The following RAB3IL1 variants were observed in gnomAD, a reference collection of about 807,000 sequenced individuals.
RAB3IL1 encodes the protein guanine nucleotide exchange factor for Rab-3A.
Under a neutral mutation model 49.2 loss-of-function variants are expected in RAB3IL1, and 37 were observed. That is an observed-to-expected ratio of 0.75 (90% CI 0.58 to 0.99). The LOEUF is 0.99. RAB3IL1 is among the 50% of genes least tolerant of loss of function. The pLI, the probability that RAB3IL1 is intolerant of heterozygous loss-of-function variation, is 0.00. For missense variants in RAB3IL1, 484 were observed against 513.0 expected (o/e 0.94, Z 0.55); for synonymous variants, 193 against 213.9 (o/e 0.90, Z 0.85).
intron 2 of RAB3IL1, 130 bp downstream of exon 2, chr11:61,907,924 C>T: frequency 2.1e-6 from 3 of 1,398,172 alleles, no homozygotes; most frequent in Non-Finnish European, 2.9e-6. Context: ...CAGGCCTGGC[C>T]AGCAGCTGGC....
At chr11:61,922,545 AGAT>A (rs1489991342), upstream of RAB3IL1, among the ~76,000 whole-genome samples, 1 of 151,874 alleles carries the variant, frequency 6.6e-6, no homozygotes, top group Admixed American at 6.6e-5. Flanking sequence ...AAGAAGAAGA[AGAT>A]AACATTTGTG....
At chr11:61,904,971 G>T in intron 5 of RAB3IL1, 89 bp from the exon 6 acceptor site, 1 of 1,008,058 alleles carries the variant, frequency 9.9e-7, no homozygotes, top group East Asian at 2.5e-5. Context: ...GAGCGAGGGA[G>T]GACGTGGGGC....
chr11:61,907,616 C>A lies in RAB3IL1; in HGVS notation c.309G>T (p.Val103=), dbSNP rs200351259. Reference sequence around the variant, plus strand: ...CCAGCTCCTGTTCTAGCTGCTCCCGCACCTTGGACAGCCGCTCACATTCCT... The same window carrying A: ...CCAGCTCCTGTTCTAGCTGCTCCCGAACCTTGGACAGCCGCTCACATTCCT... ...KDEECERLSK[V]REQLEQELEE... Residue 103 remains valine (V), a synonymous_variant, in exon 3 of 10, where the codon GTG becomes GTT. Transcript: ENST00000394836. The A allele has an allele frequency of 2.3e-4, 378 of 1,614,130 alleles. 5 individuals are homozygous for A. In the Admixed American group the frequency reaches 6.2e-3, roughly 27 times the overall value.
chr11:61,912,262 C>T (rs1361526866), intron 1 of RAB3IL1, among the ~76,000 whole-genome samples: 3 of 152,172 alleles, frequency 2.0e-5, no homozygotes, highest in Non-Finnish European at 4.4e-5. Flanking sequence ...CTCCCCGGGG[C>T]GGTGCCTTGG....
the RAB3IL1 span, among the ~76,000 whole-genome samples, chr11:61,934,446 G>GTATA: frequency 2.5e-4 from 6 of 24,394 alleles, no homozygotes; most frequent in Admixed American, 5.8e-4. Flanking sequence ...GTGTGTGTGT[G>GTATA]TATGTATATA....
At chr11:61,905,329 C>A (rs1939129363) in intron 5 of RAB3IL1, among the ~76,000 whole-genome samples, 1 of 152,160 alleles carries the variant, frequency 6.6e-6, no homozygotes. Flanking sequence ...TGCTCCAGGC[C>A]ACATGCAGAA....
intron 8 of RAB3IL1, chr11:61,899,695 C>T (rs867536043): frequency 2.0e-5 from 7 of 352,294 alleles, no homozygotes; most frequent in Non-Finnish European, 3.2e-5. Context: ...ACGGAGATGG[C>T]GGAGCTAATG....
In RAB3IL1 at chr11:61,906,645, G is replaced by C; in HGVS notation, c.478C>G (p.Leu160Val). 6.2e-7 allele frequency: 1 copy of C among 1,611,490 alleles called. No homozygotes were observed. The highest frequency in any genetic ancestry group is 8.5e-7 in the Non-Finnish European group (1 of 1,179,234). ...LQAEVTALKT[L>V]VITSTPASPN... ...GAGGCTGGTGTGGACGTGATGACCA[G>C]CGTCTTCAAGGCTGTCACCTCTGCC... Residue 160 changes from leucine to valine, a missense_variant, in exon 5 of 10, where the codon CTG (leucine) becomes GTG (valine). Transcript: ENST00000394836. The surrounding 1 kb of genome is among the most constrained non-coding windows in gnomAD (Gnocchi z 4.6).
At chr11:61,907,744 C>A in intron 2 of RAB3IL1, 84 bp from the exon 3 acceptor site, 1 of 1,242,566 alleles carries the variant, frequency 8.0e-7, no homozygotes. Context: ...GACCAGGTTC[C>A]ATCCCCTCGT....
At chr11:61,905,027 A>G (rs1236570120) in intron 5 of RAB3IL1, 145 bp from the exon 6 acceptor site, 4 of 637,206 alleles carry the variant, frequency 6.3e-6, no homozygotes, top group Non-Finnish European at 1.1e-5. Flanking sequence ...CGTGCAGGGA[A>G]GCCAAGTCCA....
At chr11:61,904,726 A>T in intron 6 of RAB3IL1, 28 bp downstream of exon 6, 1 of 1,578,008 alleles carries the variant, frequency 6.3e-7, no homozygotes, top group Non-Finnish European at 8.6e-7. Flanking sequence ...TGTGTCCCCC[A>T]GCTGGCCCCG....
chr11:61,926,104 C>CAAAAAAAAAAA, the RAB3IL1 span, among the ~76,000 whole-genome samples: 9 of 64,052 alleles, frequency 1.4e-4, no homozygotes, highest in East Asian at 4.9e-4. Flanking sequence ...TCCTTCCTGC[C>CAAAAAAAAAAA]AAAAAAAAAA....
the RAB3IL1 span, among the ~76,000 whole-genome samples, chr11:61,929,046 T>C: frequency 9.2e-5 from 14 of 152,344 alleles, no homozygotes; most frequent in African/African-American, 3.1e-4. Context: ...GGCTACATTA[T>C]AGTTGTACAT....
upstream of RAB3IL1, among the ~76,000 whole-genome samples, chr11:61,918,441 CCCA>C (rs1333809251): frequency 6.6e-6 from 1 of 152,268 alleles, no homozygotes; most frequent in African/African-American, 2.4e-5. Flanking sequence ...CCCCTCCAGG[CCCA>C]CTGACTCAGG....
rs747610934 is a variant in RAB3IL1, at chr11:61,902,465, TGTA to T, written c.973_975del (p.Tyr325del). 4 of 1,599,600 alleles carry T rather than the reference TGTA, an allele frequency of 2.5e-6. No individual in the cohort carries two copies. The South Asian group carries it at 4.6e-5, about 18-fold the overall frequency. On this transcript the variant is annotated inframe_deletion, in exon 8 of 10. Coordinates refer to ENST00000394836, the MANE Select transcript of RAB3IL1 (RefSeq NM_013401.4). ...ACCCTGGCCCGGGAAGATGGCGAGA[TGTA>T]GTAATGGCTTTTGGAGTCCCCGAGC...
At chr11:61,919,858 G>A (rs1370629041), upstream of RAB3IL1, among the ~76,000 whole-genome samples, 1 of 152,206 alleles carries the variant, frequency 6.6e-6, no homozygotes, top group African/African-American at 2.4e-5. Context: ...TCAGCTCACT[G>A]TGTGACCCAG....
chr11:61,932,768 C>A, the RAB3IL1 span, among the ~76,000 whole-genome samples: 189 of 141,478 alleles, frequency 1.3e-3, 1 homozygote, highest in Non-Finnish European at 2.3e-3. Context: ...AACTATAGTT[C>A]ATTTTTTTTT....
the RAB3IL1 span, among the ~76,000 whole-genome samples, chr11:61,925,328 A>G: frequency 6.6e-6 from 1 of 152,176 alleles, no homozygotes; most frequent in Non-Finnish European, 1.5e-5. Flanking sequence ...TGAAGAATCA[A>G]TAGGATTTAA....
chr11:61,923,004 T>C (rs552751441), upstream of RAB3IL1, among the ~76,000 whole-genome samples: 15 of 152,232 alleles, frequency 9.9e-5, no homozygotes, highest in African/African-American at 3.4e-4. Flanking sequence ...GGAAAGGGCT[T>C]GGCCTGGCTG....
Sources: gnomAD v4.1 joint callset for allele counts (sites outside exome capture counted in the v4.1 genomes callset) on GRCh38, gnomAD v4.1.1 for gene constraint, Gnocchi (gnomAD v3.1) non-coding constraint, MANE v1.5 for transcripts, NCBI Gene and HGNC (gene_info 2026-07-23, HGNC 2026-07-21) for gene names.